NELL2: variants seen among roughly 807,000 people sequenced by gnomAD.
NELL2 encodes neural EGFL like 2, also known as protein kinase C-binding protein NELL2.
Under a neutral mutation model 109.6 loss-of-function variants are expected in NELL2, and 41 were observed. The observed-to-expected ratio is 0.37, with a 90% confidence interval of 0.29 to 0.49. The LOEUF is 0.49. Ranked by LOEUF, NELL2 falls within the 20% of genes least tolerant of loss-of-function variation. NELL2 has a pLI of 0.98. For synonymous variants in NELL2, 355 were observed against 344.7 expected, an observed-to-expected ratio of 1.03 and a Z score of -0.33; for missense variants, 900 against 1,008.3, an observed-to-expected ratio of 0.89 and a Z score of 1.45.
At chr12:44,802,222 G>T (rs12318030) in intron 3 of NELL2, among the ~76,000 whole-genome samples, 3 of 152,008 alleles carry the variant, frequency 2.0e-5, no homozygotes, top group African/African-American at 7.2e-5. Context: ...AGATTCTGTC[G>T]TGTATTTATT....
chr12:44,878,703 G>A (rs1259408726), upstream of NELL2, among the ~76,000 whole-genome samples: 4 of 142,616 alleles, frequency 2.8e-5, no homozygotes, highest in South Asian at 2.4e-4. Context: ...ACTTCAGTTC[G>A]AATACAGAAG....
At chr12:44,532,405 C>T (rs1432255492) in intron 16 of NELL2, 176 bp downstream of exon 16, 1 of 459,798 alleles carries the variant, frequency 2.2e-6, no homozygotes, top group Non-Finnish European at 3.5e-6. Context: ...CTAAAAATAA[C>T]ATTAGATACC....
At chr12:44,748,635 T>C (rs867216901) in intron 9 of NELL2, among the ~76,000 whole-genome samples, 5 of 152,116 alleles carry the variant, frequency 3.3e-5, no homozygotes, top group African/African-American at 9.7e-5. Flanking sequence ...TTAGTTTCCA[T>C]GGCACCATAA....
intron 2 of NELL2, among the ~76,000 whole-genome samples, chr12:44,827,720 A>G (rs951340372): frequency 4.6e-5 from 7 of 152,132 alleles, no homozygotes; most frequent in Non-Finnish European, 1.0e-4. Context: ...CTGTTGGTGG[A>G]CATTTTGGTT....
intron 2 of NELL2, among the ~76,000 whole-genome samples, chr12:44,817,736 C>CTGTTTCCATCACCATTCAGG (rs1387776944): frequency 6.6e-6 from 1 of 152,194 alleles, no homozygotes; most frequent in Non-Finnish European, 1.5e-5. Context: ...GAGACACCTG[C>CTGTTTCCATCACCATTCAGG]TGTTTCCATC....
rs11182668 is a variant in NELL2, at chr12:44,781,037, C to A, written c.336-1015G>T. Among the ~76,000 whole-genome samples the A allele has an allele frequency of 2.2e-3, 338 of 151,980 alleles. 6 individuals carry two copies. In the East Asian group the frequency reaches 0.048, roughly 22 times the overall value. The stretch of plus-strand genomic sequence containing the variant: ...TACCAAGAAGCAAAGAAATCTCCAA[C>A]AGATTGTAAAAAGAAAAAGAACAGA... On this transcript the variant is annotated intron_variant, in intron 3 of 19. Transcript: ENST00000429094.
chr12:44,591,300 A>G (rs7965920), intron 15 of NELL2, among the ~76,000 whole-genome samples: 2,474 of 152,332 alleles, frequency 0.016, 50 homozygotes, highest in African/African-American at 0.057. Flanking sequence ...AAAGGAAATC[A>G]GAATATTGAA....
At chr12:44,565,504 G>A (rs1480907250) in intron 15 of NELL2, among the ~76,000 whole-genome samples, 1 of 152,182 alleles carries the variant, frequency 6.6e-6, no homozygotes, top group Admixed American at 6.6e-5. Flanking sequence ...ATAAAGTTTC[G>A]AGAGACGAAC....
At chr12:44,897,969 T>G (rs118036633) in intron 1 of NELL2, among the ~76,000 whole-genome samples, 3,098 of 152,248 alleles carry the variant, frequency 0.02, 104 homozygotes, top group East Asian at 0.17. Context: ...CAGTAGGTGC[T>G]TTTCCCCTCA....
At chr12:44,887,469 T>TG (rs946773375) in intron 1 of NELL2, among the ~76,000 whole-genome samples, 2 of 152,002 alleles carry the variant, frequency 1.3e-5, no homozygotes, top group Non-Finnish European at 2.9e-5. Context: ...CCGTTTTAAC[T>TG]GGGGGGAGAC....
chr12:44,905,755 C>A (rs1945712828), intron 1 of NELL2, among the ~76,000 whole-genome samples: 1 of 151,944 alleles, frequency 6.6e-6, no homozygotes, highest in African/African-American at 2.4e-5. Flanking sequence ...CTCTCACAGG[C>A]CTATAGGGGG....
chr12:44,625,003 T>C (rs1340654054), intron 13 of NELL2, among the ~76,000 whole-genome samples: 3 of 87,630 alleles, frequency 3.4e-5, no homozygotes, highest in South Asian at 2.5e-4. Flanking sequence ...TGTGTATATA[T>C]ATATATATAT....
At chr12:44,636,378 C>T (rs1033990542) in intron 13 of NELL2, among the ~76,000 whole-genome samples, 17 of 152,114 alleles carry the variant, frequency 1.1e-4, no homozygotes, top group Admixed American at 3.3e-4. Flanking sequence ...CAAAGGACTG[C>T]TTCCAACTTT....
chr12:44,559,738 T>C (rs767655667), intron 15 of NELL2, among the ~76,000 whole-genome samples: 3 of 152,150 alleles, frequency 2.0e-5, no homozygotes, highest in Non-Finnish European at 4.4e-5. Flanking sequence ...TGGGAGACTT[T>C]AACACCTCAC....
chr12:44,898,897 T>A (rs1041815583), intron 1 of NELL2, among the ~76,000 whole-genome samples: 1 of 152,024 alleles, frequency 6.6e-6, no homozygotes, highest in African/African-American at 2.4e-5. Context: ...AATAAGCAGT[T>A]GAGAGAAGAA....
At chr12:44,901,405 T>C (rs371177991) in intron 1 of NELL2, among the ~76,000 whole-genome samples, 16 of 152,198 alleles carry the variant, frequency 1.1e-4, no homozygotes, top group African/African-American at 3.6e-4. Flanking sequence ...AGGCAGTAAT[T>C]AATAGCCTAC....
intron 2 of NELL2, among the ~76,000 whole-genome samples, chr12:44,874,481 G>C (rs1391943539): frequency 6.6e-6 from 1 of 152,150 alleles, no homozygotes; most frequent in African/African-American, 2.4e-5. Context: ...ATTGGAATTT[G>C]CTTCTGACTG....
rs569175016 is a variant in NELL2, at chr12:44,886,516, G to A, written c.39-10616C>T. On this transcript the variant is annotated intron_variant, in intron 1 of 20. Transcript: ENST00000333837. Reference sequence around the variant, plus strand: ...AAGATAGGCAAAATATTTATTTTTTGCACTTTTTTAAAATTAATACATAAT... The same window carrying A: ...AAGATAGGCAAAATATTTATTTTTTACACTTTTTTAAAATTAATACATAAT... Among the ~76,000 whole-genome samples the A allele has an allele frequency of 2.0e-5, 3 of 151,830 alleles. No homozygotes were observed. The East Asian group carries it at 5.8e-4, about 29-fold the overall frequency.
chr12:44,885,550 A>G (rs1566592727), intron 1 of NELL2, among the ~76,000 whole-genome samples: 1 of 151,948 alleles, frequency 6.6e-6, no homozygotes, highest in Non-Finnish European at 1.5e-5. Context: ...ATTAAAAAAC[A>G]TGAAATACTT....
Sources: gnomAD v4.1 joint callset for allele counts (sites outside exome capture counted in the v4.1 genomes callset) on GRCh38, gnomAD v4.1.1 for gene constraint, MANE v1.5 for transcripts, NCBI Gene and HGNC (gene_info 2026-07-23, HGNC 2026-07-21) for gene names.